The following PROSER1 variants were observed in gnomAD, a reference collection of about 807,000 sequenced individuals.
PROSER1 encodes the protein proline and serine rich 1.
PROSER1 carries 36 observed loss-of-function variants against 71.8 expected under a neutral mutation model. That is an observed-to-expected ratio of 0.50 (90% confidence interval 0.38 to 0.66). The LOEUF (loss-of-function observed/expected upper bound fraction) is 0.66, where lower values mean the gene tolerates loss of function less well. PROSER1 is among the 30% of genes least tolerant of loss of function. The pLI, the probability that PROSER1 is intolerant of heterozygous loss-of-function variation, is 0.00. For synonymous variants in PROSER1, 490 were observed against 452.4 expected, an observed-to-expected ratio of 1.08 and a Z score of -1.06; for missense variants, 1,107 against 1,135.0, an observed-to-expected ratio of 0.98 and a Z score of 0.35.
rs1200859254 is a variant in PROSER1 at position 39,014,246 on chromosome 13, C to G, written c.1006G>C (p.Val336Leu). 2 of 1,614,064 alleles carry G rather than the reference C, an allele frequency of 1.2e-6. No individual in the cohort carries two copies. Among genetic ancestry groups the G allele is most frequent in the South Asian group, 2.2e-5 (2 of 91,074 alleles). ...GTGGGCAATGAAGGGGTTCTGATAA[C>G]TGTTGGGTTTGGTATTGATGGCTGA... ...TPQPSIPNPT[V>L]IRTPSLPTAP... is the part of the protein sequence containing the mutation. The change falls in exon 11 of 13, where the codon GTT (valine) becomes CTT (leucine). Residue 336 changes from valine (V) to leucine (L), a missense_variant. Transcript: ENST00000352251.
Position 39,011,089 on chromosome 13 carries a change from C to T in PROSER1, c.*276G>A. On this transcript the variant is annotated 3_prime_UTR_variant, in exon 13 of 13. Coordinates refer to ENST00000352251, the MANE Select transcript of PROSER1 (RefSeq NM_025138.5). ...TCTTTAATATTCTTTCTATGTAGAT[C>T]ACATACACAATTCAAAATTTTATAG... 1 of 350,486 alleles carries T rather than the reference C, an allele frequency of 2.9e-6. No individual in the cohort carries two copies. Among genetic ancestry groups the T allele is most frequent in the South Asian group, 3.2e-5 (1 of 31,418 alleles). 21.7% of individuals were successfully genotyped at this position (350,486 alleles called of 1,614,324 possible).
chr13:39,011,303 G>T lies in PROSER1; in HGVS notation c.*62C>A. ...TGGCCAGCTTCACATTTGTCAGATT[G>T]TTCATTGCAGTTCTCAGGCAATTCT... On this transcript the variant is annotated 3_prime_UTR_variant, in exon 13 of 13. Coordinates refer to ENST00000352251, the MANE Select transcript of PROSER1 (RefSeq NM_025138.5). 6.5e-7 allele frequency: 1 copy of T among 1,548,798 alleles called. No homozygotes were observed. The highest frequency in any genetic ancestry group is 8.9e-7 in the Non-Finnish European group (1 of 1,128,150).
intron 5 of PROSER1, among the ~76,000 whole-genome samples, chr13:39,026,639 T>C (rs528109618): frequency 6.6e-6 from 1 of 152,314 alleles, no homozygotes; most frequent in Admixed American, 6.5e-5. Context: ...TCACAGTAGA[T>C]TTTGTAAATT....
chr13:39,016,360 A>C (rs1332717174), intron 10 of PROSER1, among the ~76,000 whole-genome samples: 1 of 152,216 alleles, frequency 6.6e-6, no homozygotes, highest in Admixed American at 6.5e-5. Context: ...GCTATGACTA[A>C]GCAACTGGAT....
rs752540907 is a variant in PROSER1 at position 39,017,486 on chromosome 13, A to G, written c.775+14T>C. The G allele has an allele frequency of 2.0e-6, 3 of 1,505,930 alleles. No homozygotes were observed. Among genetic ancestry groups the G allele is most frequent in the Admixed American group, 1.7e-5 (1 of 57,570 alleles). The allele number at this position is 1,505,930 out of a possible 1,614,324, so 93.3% of individuals were successfully genotyped here. On this transcript the variant is annotated intron_variant, in intron 10 of 12. Transcript: ENST00000352251. ...ACAGATATCCGTTATCTCTGGATCA[A>G]ATTTGCTACTTACTTTGATTCTGTA...
Position 39,037,435 on chromosome 13 carries a change from A to T in PROSER1, c.-193T>A. ...AAAATTTCTAAAAATTGAGATTCAG[A>T]AAAACTCTTTTTATTAAAAAGAAAA... is the stretch of plus-strand genomic sequence containing the variant. On this transcript the variant is annotated 5_prime_UTR_variant, in exon 1 of 13. Coordinates refer to ENST00000352251, the MANE Select transcript of PROSER1 (RefSeq NM_025138.5). The T allele has an allele frequency of 1.7e-6, 1 of 575,302 alleles. No individual in the cohort carries two copies. The highest frequency in any genetic ancestry group is 3.1e-6 in the Non-Finnish European group (1 of 323,966). 35.6% of individuals were successfully genotyped at this position (575,302 alleles called of 1,614,324 possible). A position where few individuals can be genotyped will look rare whatever the true frequency, so the allele number is the denominator to read the frequency against.
chr13:39,022,353 G>C lies in PROSER1; in HGVS notation c.703C>G (p.Pro235Ala), dbSNP rs778168067. The C allele has an allele frequency of 1.9e-5, 31 of 1,611,538 alleles. No individual in the cohort carries two copies. The highest frequency in any genetic ancestry group is 2.6e-5 in the Non-Finnish European group (31 of 1,177,852). ...GTTCCTACAGGATTAGGAGTATATG[G>C]AGGTGGAGGTGGAGCTATGACATTC... The part of the protein sequence containing the change: ...LANVIAPPPP[P>A]YTPNPVGTEN... The change falls in exon 9 of 13, where the codon CCA becomes GCA. Residue 235 changes from proline (P) to alanine (A), a missense_variant. Coordinates refer to ENST00000352251, the MANE Select transcript of PROSER1 (RefSeq NM_025138.5).
chr13:39,022,966 C>A, intron 8 of PROSER1, 86 bp downstream of exon 8: 1 of 1,136,744 alleles, frequency 8.8e-7, no homozygotes, highest in Non-Finnish European at 1.3e-6. Context: ...TACAGATTTG[C>A]CAACCACATA....
intron 6 of PROSER1, among the ~76,000 whole-genome samples, chr13:39,025,788 G>A (rs1196466566): frequency 6.6e-6 from 1 of 152,166 alleles, no homozygotes; most frequent in African/African-American, 2.4e-5. Context: ...AATCCAGTAA[G>A]CTGTGGGGTT....
chr13:39,016,529 A>G (rs1870015363), intron 10 of PROSER1, among the ~76,000 whole-genome samples: 1 of 152,378 alleles, frequency 6.6e-6, no homozygotes, highest in East Asian at 1.9e-4. Context: ...CGTACAACAT[A>G]GGAAAACAAT....
In PROSER1 at chr13:39,037,218, C is replaced by T. The variant is rs1871158229; in HGVS notation, c.25G>A (p.Val9Met). 6.2e-7 allele frequency: 1 copy of T among 1,610,014 alleles called. No homozygotes were observed. Among genetic ancestry groups the T allele is most frequent in the Non-Finnish European group, 8.5e-7 (1 of 1,176,424 alleles). Residue 9 changes from valine (V) to methionine (M), a missense_variant, in exon 1 of 13, where the codon GTG becomes ATG. Physicochemically the swap from Val to Met is conservative, Grantham distance 21. Transcript: ENST00000352251. MDKKSFEM[V>M]LDEIRKAVLT... is the part of the protein sequence containing the mutation. ...ATTACCTTTCTAATTTCATCCAGCA[C>T]CATTTCAAAGGACTTTTTATCCATC...
intron 12 of PROSER1, among the ~76,000 whole-genome samples, chr13:39,011,779 GAAGAC>G (rs968184812): frequency 1.3e-5 from 2 of 152,172 alleles, no homozygotes; most frequent in African/African-American, 4.8e-5. Context: ...TTGAATTACA[GAAGAC>G]AAGTTAACAT....
In PROSER1 at chr13:39,014,376, A is replaced by T; in HGVS notation, c.876T>A (p.Ile292=). ...PVPTASPVKA[I]NHPSASAAAT... The stretch of plus-strand genomic sequence containing the variant: ...CAGCTGCTGATGCTGATGGATGATT[A>T]ATTGCCTTGACTGGGGATGCAGTAG... The change falls in exon 11 of 13, where the codon ATT becomes ATA. Residue 292 remains isoleucine, a synonymous_variant. Transcript: ENST00000352251. 2 of 1,614,102 alleles carry T rather than the reference A, an allele frequency of 1.2e-6. No individual in the cohort carries two copies. Among genetic ancestry groups the T allele is most frequent in the Non-Finnish European group, 1.7e-6 (2 of 1,180,020 alleles).
At chr13:39,024,764 T>A (rs1263212722) in intron 6 of PROSER1, among the ~76,000 whole-genome samples, 1 of 151,988 alleles carries the variant, frequency 6.6e-6, no homozygotes. Context: ...TCATATCACA[T>A]GCAAAGGTAC....
At chr13:39,027,344 A>AT (rs1221504222) in intron 5 of PROSER1, among the ~76,000 whole-genome samples, 1 of 152,122 alleles carries the variant, frequency 6.6e-6, no homozygotes, top group Non-Finnish European at 1.5e-5. Flanking sequence ...GCCAAAAGGT[A>AT]TAAATATTGT....
At chr13:39,023,179 G>C (rs1566025472) in intron 7 of PROSER1, 49 bp from the exon 8 acceptor site, 3 of 1,396,900 alleles carry the variant, frequency 2.1e-6, no homozygotes, top group Admixed American at 1.7e-5. Context: ...CAAGTAAGCT[G>C]TCTCCTGGCA....
chr13:39,031,682 C>G, intron 2 of PROSER1, 51 bp from the exon 3 acceptor site: 1 of 1,495,274 alleles, frequency 6.7e-7, no homozygotes, highest in Non-Finnish European at 9.3e-7. Context: ...GCAAACATTT[C>G]TATAAGATTT....
chr13:39,019,989 A>G (rs1176334989), intron 9 of PROSER1, among the ~76,000 whole-genome samples: 1 of 151,882 alleles, frequency 6.6e-6, no homozygotes, highest in Non-Finnish European at 1.5e-5. Context: ...TTATTACTGA[A>G]TAAGGCCTAG....
At chr13:39,017,220 T>A (rs925821741) in intron 10 of PROSER1, among the ~76,000 whole-genome samples, 4 of 152,248 alleles carry the variant, frequency 2.6e-5, no homozygotes, top group African/African-American at 9.6e-5. Flanking sequence ...GTAAAGTGAA[T>A]GTGAATGCAA....
Sources: gnomAD v4.1 joint callset for allele counts (sites outside exome capture counted in the v4.1 genomes callset) on GRCh38, gnomAD v4.1.1 for gene constraint, MANE v1.5 for transcripts, NCBI Gene and HGNC (gene_info 2026-07-23, HGNC 2026-07-21) for gene names.